Variants in LRIF1 observed in about 807,000 individuals in gnomAD.
LRIF1 encodes ligand-dependent nuclear receptor-interacting factor 1.
LRIF1 carries 32 observed loss-of-function variants against 52.7 expected under a neutral mutation model. That is an observed-to-expected ratio of 0.61 (90% CI 0.46 to 0.82). The LOEUF (loss-of-function observed/expected upper bound fraction) is 0.82, where lower values mean the gene tolerates loss of function less well. LRIF1 is among the 40% of genes least tolerant of loss of function. The probability of loss-of-function intolerance (pLI) is 0.00; values close to 1 mark genes in which losing one functional copy is unlikely to be tolerated. For synonymous variants in LRIF1, 323 were observed against 317.4 expected (o/e 1.02, Z -0.19); for missense variants, 887 against 892.0 (o/e 0.99, Z 0.07).
chr1:110,911,532 C>A, the LRIF1 span, among the ~76,000 whole-genome samples: 5 of 152,156 alleles, frequency 3.3e-5, no homozygotes, highest in South Asian at 1.0e-3. Context: ...ATACTAAAAC[C>A]TGGCAAAGAT....
chr1:110,962,139 T>C (rs1658984869), intron 1 of LRIF1, among the ~76,000 whole-genome samples: 1 of 150,124 alleles, frequency 6.7e-6, no homozygotes. Context: ...AAAAATGCAA[T>C]CCTAAAACAA....
the LRIF1 span, among the ~76,000 whole-genome samples, chr1:110,877,629 T>C: frequency 1.3e-5 from 2 of 152,238 alleles, no homozygotes; most frequent in South Asian, 4.1e-4. Context: ...CCTCTTTTCT[T>C]CTTCCTTATT....
At chr1:110,878,679 T>C in the LRIF1 span, among the ~76,000 whole-genome samples, 6 of 152,202 alleles carry the variant, frequency 3.9e-5, no homozygotes, top group Admixed American at 1.3e-4. Flanking sequence ...TTCTCAATCT[T>C]AGCTTACAAA....
At chr1:110,936,070 C>T in the LRIF1 span, among the ~76,000 whole-genome samples, 1 of 152,082 alleles carries the variant, frequency 6.6e-6, no homozygotes. Context: ...AAGGAAAAAA[C>T]TTTTTAACCT....
chr1:110,943,994 G>A (rs1367939714), downstream of LRIF1: 1 of 152,170 alleles, frequency 6.6e-6, no homozygotes, highest in African/African-American at 2.4e-5. Flanking sequence ...TCCATGAAAT[G>A]AGGAAACATT....
the LRIF1 span, among the ~76,000 whole-genome samples, chr1:110,886,846 A>AAGATATATATATATATATATAT: frequency 4.9e-5 from 5 of 101,010 alleles, no homozygotes; most frequent in South Asian, 3.6e-4. Flanking sequence ...CTCTGTCTCC[A>AAGATATATATATATATATATAT]ATATATATAT....
the LRIF1 span, among the ~76,000 whole-genome samples, chr1:110,911,811 C>G: frequency 6.6e-6 from 1 of 152,182 alleles, no homozygotes; most frequent in Non-Finnish European, 1.5e-5. Flanking sequence ...AACACCCCTT[C>G]ATATTAAAAG....
At position 110,947,290 on chromosome 1, in the gene LRIF1, A is replaced by T. The variant is rs563090665; in HGVS notation, c.*669T>A. 1 of 152,170 alleles carries T rather than the reference A, an allele frequency of 6.6e-6. No individual in the cohort carries two copies. Among genetic ancestry groups the T allele is most frequent in the Non-Finnish European group, 1.5e-5 (1 of 68,040 alleles). 9.4% of individuals were successfully genotyped at this position (152,170 alleles called of 1,614,324 possible). On this transcript the variant is annotated 3_prime_UTR_variant, in exon 4 of 4. Transcript: ENST00000369763. ...ATGTACATAGTCCCAAAAAAAAAAAAAGCAGCATTTGCCTGGGAACACATC... is the reference window on the plus strand; with the variant it reads ...ATGTACATAGTCCCAAAAAAAAAAATAGCAGCATTTGCCTGGGAACACATC...
chr1:110,952,907 A>AC, intron 1 of LRIF1, 92 bp from the exon 2 acceptor site: 1 of 712,458 alleles, frequency 1.4e-6, no homozygotes, highest in Non-Finnish European at 1.9e-6. Context: ...TGTAAATATT[A>AC]AAATAAAGTA....
the LRIF1 span, among the ~76,000 whole-genome samples, chr1:110,904,234 T>C: frequency 3.9e-5 from 6 of 152,208 alleles, no homozygotes; most frequent in African/African-American, 9.7e-5. Context: ...GCAGGCCTGG[T>C]TGGCTTTGCC....
chr1:110,915,522 C>T, the LRIF1 span, among the ~76,000 whole-genome samples: 21 of 108,078 alleles, frequency 1.9e-4, no homozygotes, highest in Admixed American at 1.6e-3. Context: ...AATAAATTTA[C>T]TTACTATGTT....
chr1:110,960,410 T>A (rs965442266), intron 1 of LRIF1, among the ~76,000 whole-genome samples: 2 of 152,176 alleles, frequency 1.3e-5, no homozygotes, highest in African/African-American at 4.8e-5. Flanking sequence ...CAATGAAGCA[T>A]CATCATTCCA....
At chr1:110,878,854 A>C in the LRIF1 span, among the ~76,000 whole-genome samples, 2 of 152,200 alleles carry the variant, frequency 1.3e-5, no homozygotes, top group African/African-American at 2.4e-5. Context: ...CAATCTTAGC[A>C]TACAAAGGTG....
At chr1:110,901,692 T>C in the LRIF1 span, among the ~76,000 whole-genome samples, 3 of 151,912 alleles carry the variant, frequency 2.0e-5, no homozygotes, top group African/African-American at 7.3e-5. Flanking sequence ...GCCAGGATGG[T>C]CTCAAGCTCC....
the LRIF1 span, among the ~76,000 whole-genome samples, chr1:110,923,348 T>C: frequency 6.6e-6 from 1 of 152,116 alleles, no homozygotes; most frequent in African/African-American, 2.4e-5. Flanking sequence ...CAAAGTTTCT[T>C]TTACCATGTA....
chr1:110,917,654 T>G, the LRIF1 span, among the ~76,000 whole-genome samples: 16 of 150,574 alleles, frequency 1.1e-4, no homozygotes, highest in South Asian at 2.5e-3. Context: ...TTTTGTTTTT[T>G]TTTTTTGGAG....
At chr1:110,924,670 G>A in the LRIF1 span, among the ~76,000 whole-genome samples, 1 of 152,110 alleles carries the variant, frequency 6.6e-6, no homozygotes, top group Non-Finnish European at 1.5e-5. Flanking sequence ...GGGGATTATG[G>A]GGATTGCAAT....
chr1:110,905,905 A>G, the LRIF1 span, among the ~76,000 whole-genome samples: 19 of 152,366 alleles, frequency 1.2e-4, no homozygotes, highest in African/African-American at 4.1e-4. Flanking sequence ...AAGTTAAGGC[A>G]TAGAGGTTTT....
downstream of LRIF1, among the ~76,000 whole-genome samples, chr1:110,946,359 G>A (rs1357130871): frequency 6.6e-6 from 1 of 152,144 alleles, no homozygotes; most frequent in East Asian, 1.9e-4. Context: ...GACTGCTAAT[G>A]GGTATAAGGT....
Sources: allele counts gnomAD v4.1 joint callset (sites outside exome capture counted in the v4.1 genomes callset), GRCh38; gene constraint gnomAD v4.1.1; transcripts MANE v1.5; gene names NCBI Gene and HGNC (gene_info 2026-07-23, HGNC 2026-07-21).